The following PTPRR variants were observed in gnomAD, a reference collection of about 807,000 sequenced individuals.
PTPRR encodes protein tyrosine phosphatase receptor type R.
PTPRR carries 38 observed loss-of-function variants against 77.2 expected under a neutral mutation model. The observed-to-expected ratio is 0.49, with a 90% CI of 0.38 to 0.65. The LOEUF (loss-of-function observed/expected upper bound fraction) is 0.65, where lower values mean the gene tolerates loss of function less well. PTPRR is among the 30% of genes least tolerant of loss of function. The probability of loss-of-function intolerance (pLI) is 0.00; values close to 1 mark genes in which losing one functional copy is unlikely to be tolerated. For synonymous variants in PTPRR, 299 were observed against 283.1 expected (o/e 1.06, Z -0.57); for missense variants, 744 against 799.2 (o/e 0.93, Z 0.83).
At chr12:70,740,154 A>C (rs1186675981) in intron 6 of PTPRR, among the ~76,000 whole-genome samples, 3 of 152,156 alleles carry the variant, frequency 2.0e-5, no homozygotes, top group African/African-American at 4.8e-5. Flanking sequence ...AGATGAAATA[A>C]AATAATATAT....
At chr12:70,772,729 G>GA in intron 2 of PTPRR, among the ~76,000 whole-genome samples, 2 of 152,086 alleles carry the variant, frequency 1.3e-5, no homozygotes, top group African/African-American at 4.8e-5. Context: ...CAGAATCATT[G>GA]AAAAAAACTA....
Position 70,682,201 on chromosome 12 carries a change from G to A in PTPRR, c.1497+1926C>T, listed in dbSNP as rs1335190316. ...TGGGACTACAGGCGCCCGCCACCAC[G>A]CCCGGCTAATTTTTTGTATTTTTAG... is the stretch of plus-strand genomic sequence containing the variant. On this transcript the variant is annotated intron_variant, in intron 10 of 13. Transcript: ENST00000283228. Among the ~76,000 whole-genome samples the A allele has an allele frequency of 2.7e-5, 4 of 150,908 alleles. No homozygotes were observed. In the South Asian group the frequency reaches 8.5e-4, roughly 32 times the overall value.
chr12:70,663,300 T>C (rs1413132482), intron 10 of PTPRR, among the ~76,000 whole-genome samples: 1 of 152,210 alleles, frequency 6.6e-6, no homozygotes, highest in African/African-American at 2.4e-5. Context: ...GCATGGTGGT[T>C]AAGGCGCAGG....
At chr12:70,864,717 GA>G (rs1157349098) in intron 2 of PTPRR, among the ~76,000 whole-genome samples, 1 of 152,134 alleles carries the variant, frequency 6.6e-6, no homozygotes, top group Non-Finnish European at 1.5e-5. Flanking sequence ...TGTGTTGTGG[GA>G]GGGACCTGGT....
At chr12:70,694,648 CA>C (rs1888167551) in intron 8 of PTPRR, among the ~76,000 whole-genome samples, 1 of 151,338 alleles carries the variant, frequency 6.6e-6, no homozygotes, top group Non-Finnish European at 1.5e-5. Context: ...ACTGGGACTC[CA>C]AAAAAAGGGA....
intron 10 of PTPRR, among the ~76,000 whole-genome samples, chr12:70,679,486 G>A (rs1292220671): frequency 6.6e-6 from 1 of 152,102 alleles, no homozygotes; most frequent in Non-Finnish European, 1.5e-5. Context: ...GTGGGGTGTT[G>A]AAGTTGAAGT....
At chr12:70,691,705 G>A (rs553020152) in intron 8 of PTPRR, among the ~76,000 whole-genome samples, 3 of 152,264 alleles carry the variant, frequency 2.0e-5, no homozygotes, top group East Asian at 1.9e-4. Context: ...TCTACAGTCC[G>A]TGTAGAGTTT....
chr12:70,709,305 A>T (rs1185357905), intron 6 of PTPRR, among the ~76,000 whole-genome samples: 3 of 152,162 alleles, frequency 2.0e-5, no homozygotes, highest in Non-Finnish European at 4.4e-5. Context: ...TAGGTACTAA[A>T]GGAGCATACC....
chr12:70,727,159 G>T (rs915920950), intron 6 of PTPRR, among the ~76,000 whole-genome samples: 1 of 152,066 alleles, frequency 6.6e-6, no homozygotes, highest in Non-Finnish European at 1.5e-5. Context: ...CAAATTTTAA[G>T]GGTTTTGTGC....
intron 2 of PTPRR, among the ~76,000 whole-genome samples, chr12:70,814,349 C>A (rs1211725697): frequency 6.6e-6 from 1 of 152,094 alleles, no homozygotes; most frequent in Non-Finnish European, 1.5e-5. Context: ...AGGGTGGTCA[C>A]CTTGGGCGAT....
chr12:70,896,008 A>G (rs146981168), intron 1 of PTPRR, among the ~76,000 whole-genome samples: 2 of 151,766 alleles, frequency 1.3e-5, no homozygotes, highest in Non-Finnish European at 3.0e-5. Context: ...CACTTCAAAT[A>G]TAATGATATG....
At chr12:70,701,030 G>T in intron 7 of PTPRR, 107 bp downstream of exon 7, 1 of 1,150,604 alleles carries the variant, frequency 8.7e-7, no homozygotes, top group South Asian at 1.5e-5. Flanking sequence ...TTTGCCATTT[G>T]TTTACTGTAG....
At chr12:70,777,119 C>T (rs1325424477) in intron 2 of PTPRR, among the ~76,000 whole-genome samples, 1 of 151,896 alleles carries the variant, frequency 6.6e-6, no homozygotes. Flanking sequence ...TGTTCCACAA[C>T]TTGCTTTTTT....
chr12:70,689,576 T>G (rs1887986714), intron 8 of PTPRR, among the ~76,000 whole-genome samples: 1 of 152,176 alleles, frequency 6.6e-6, no homozygotes, highest in African/African-American at 2.4e-5. Flanking sequence ...TATACGTATC[T>G]TCCGTCAATC....
At position 70,854,821 on chromosome 12, in the gene PTPRR, C is replaced by T. The variant is rs78865403; in HGVS notation, c.357+37858G>A. On this transcript the variant is annotated intron_variant, in intron 2 of 13. Coordinates refer to ENST00000283228, the MANE Select transcript of PTPRR (RefSeq NM_002849.4). The stretch of plus-strand genomic sequence containing the variant: ...TAGGAAGAGTTGTTTACCTGTTAAG[C>T]GTTTGTTGTGAGGGTTAAATGTACT... 3.9e-3 allele frequency among the ~76,000 whole-genome samples: 588 copies of T among 152,224 alleles called. 2 individuals are homozygous for T. Among genetic ancestry groups the T allele is most frequent in the Non-Finnish European group, 5.8e-3 (396 of 68,014 alleles).
intron 2 of PTPRR, among the ~76,000 whole-genome samples, chr12:70,783,864 G>A (rs1484100796): frequency 0.15 from 5,198 of 35,636 alleles, 177 homozygotes; most frequent in Non-Finnish European, 0.23. Flanking sequence ...TGGGGGGGAC[G>A]GGGGGGGGGG....
intron 2 of PTPRR, among the ~76,000 whole-genome samples, chr12:70,858,954 CTTTT>C (rs35314579): frequency 7.2e-6 from 1 of 137,988 alleles, no homozygotes. Flanking sequence ...GCATTTCGCC[CTTTT>C]TTTTTTTTTA....
chr12:70,900,486 C>A (rs1893513156), intron 1 of PTPRR, among the ~76,000 whole-genome samples: 1 of 151,338 alleles, frequency 6.6e-6, no homozygotes, highest in African/African-American at 2.4e-5. Context: ...TTAAATATGA[C>A]CCCAAAAGCA....
At chr12:70,673,030 GCAAA>G (rs1566059055) in intron 10 of PTPRR, 19 of 333,944 alleles carry the variant, frequency 5.7e-5, no homozygotes, top group Admixed American at 1.3e-4. Flanking sequence ...TCGGGCCAAA[GCAAA>G]AAAAAAAAAA....
Sources: gnomAD v4.1 joint callset for allele counts (sites outside exome capture counted in the v4.1 genomes callset) on GRCh38, gnomAD v4.1.1 for gene constraint, MANE v1.5 for transcripts, NCBI Gene and HGNC (gene_info 2026-07-23, HGNC 2026-07-21) for gene names.